SNRPD3: variants seen among roughly 807,000 people sequenced by gnomAD.
SNRPD3 encodes the protein small nuclear ribonucleoprotein D3 polypeptide, also known as small nuclear ribonucleoprotein Sm D3.
For synonymous variants in SNRPD3, 66 were observed against 58.4 expected (o/e 1.13, Z -0.59); for missense variants, 73 against 167.5 (o/e 0.44, Z 3.11).
chr22:24,564,018 A>G (rs1042860536), intron 2 of SNRPD3, among the ~76,000 whole-genome samples: 47 of 152,094 alleles, frequency 3.1e-4, no homozygotes, highest in African/African-American at 4.8e-5. Flanking sequence ...AACTTATCGT[A>G]TACTTTTTTT....
chr22:24,558,463 CAGAG>C (rs2045101552), intron 2 of SNRPD3, among the ~76,000 whole-genome samples: 1 of 152,154 alleles, frequency 6.6e-6, no homozygotes. Flanking sequence ...ACTTGGGAGT[CAGAG>C]AGAGATGTGG....
At chr22:24,556,969 T>A (rs1046684796) in intron 1 of SNRPD3, among the ~76,000 whole-genome samples, 6 of 152,240 alleles carry the variant, frequency 3.9e-5, no homozygotes, top group African/African-American at 1.4e-4. Context: ...ACTTTGATAT[T>A]TTCTCAATAT....
At chr22:24,557,340 G>A (rs2045084888) in intron 1 of SNRPD3, among the ~76,000 whole-genome samples, 1 of 152,094 alleles carries the variant, frequency 6.6e-6, no homozygotes, top group African/African-American at 2.4e-5. Context: ...CACAGTATTG[G>A]CTAATGGTCC....
chr22:24,570,776 A>C (rs1196761993), intron 3 of SNRPD3, among the ~76,000 whole-genome samples: 1 of 149,696 alleles, frequency 6.7e-6, no homozygotes, highest in Non-Finnish European at 1.5e-5. Flanking sequence ...CATGCTATTT[A>C]TATGGAGTGT....
chr22:24,559,354 C>T (rs2045110840), intron 2 of SNRPD3, among the ~76,000 whole-genome samples: 1 of 152,140 alleles, frequency 6.6e-6, no homozygotes, highest in Admixed American at 6.5e-5. Flanking sequence ...TCTCATATAT[C>T]CAGTCCTCTG....
intron 2 of SNRPD3, among the ~76,000 whole-genome samples, chr22:24,560,428 C>CTTTTTTTTT (rs60835175): frequency 2.0e-5 from 1 of 49,074 alleles, no homozygotes; most frequent in African/African-American, 8.0e-5. Context: ...AGCTTGCTTG[C>CTTTTTTTTT]TTTTTTTTTT....
intron 2 of SNRPD3, among the ~76,000 whole-genome samples, chr22:24,563,141 G>T (rs2045159595): frequency 6.6e-6 from 1 of 151,972 alleles, no homozygotes; most frequent in South Asian, 2.1e-4. Flanking sequence ...GCTGGGCCAG[G>T]GGGATCACTT....
chr22:24,559,377 C>T (rs1341296406), intron 2 of SNRPD3, among the ~76,000 whole-genome samples: 2 of 152,154 alleles, frequency 1.3e-5, no homozygotes, highest in Non-Finnish European at 2.9e-5. Context: ...TTAAGGCATG[C>T]TCATCCACTT....
At chr22:24,564,412 T>C (rs2045176346) in intron 2 of SNRPD3, among the ~76,000 whole-genome samples, 1 of 152,224 alleles carries the variant, frequency 6.6e-6, no homozygotes, top group Non-Finnish European at 1.5e-5. Flanking sequence ...TTGATTAAAC[T>C]GGGTGTTCCT....
At chr22:24,567,518 G>A (rs2045207191) in intron 2 of SNRPD3, among the ~76,000 whole-genome samples, 2 of 152,236 alleles carry the variant, frequency 1.3e-5, no homozygotes, top group Middle Eastern at 3.4e-3. Flanking sequence ...AGGCTGAAGC[G>A]GGCAGATCAC....
At chr22:24,559,911 G>T (rs1006631774) in intron 2 of SNRPD3, among the ~76,000 whole-genome samples, 3 of 152,016 alleles carry the variant, frequency 2.0e-5, no homozygotes, top group African/African-American at 7.2e-5. Context: ...TCTGAGGAAT[G>T]TGAAGGAAGG....
At chr22:24,562,513 C>T (rs1459653453) in intron 2 of SNRPD3, among the ~76,000 whole-genome samples, 1 of 152,246 alleles carries the variant, frequency 6.6e-6, no homozygotes, top group Admixed American at 6.5e-5. Context: ...CACTGCACTC[C>T]AGCCTGGGCG....
Position 24,573,387 on chromosome 22 carries a change from T to C in SNRPD3, c.*1410T>C, listed in dbSNP as rs918995419. On this transcript the variant is annotated 3_prime_UTR_variant, in exon 4 of 4. Coordinates refer to ENST00000215829, the MANE Select transcript of SNRPD3 (RefSeq NM_004175.5). Reference sequence around the variant, plus strand: ...GAGGAAAACTGATCAATTATTGGCTTTTAGAATATTGCTCATTGAACAGAT... The same window carrying C: ...GAGGAAAACTGATCAATTATTGGCTCTTAGAATATTGCTCATTGAACAGAT... Among the ~76,000 whole-genome samples the C allele has an allele frequency of 1.3e-5, 2 of 152,182 alleles. No individual in the cohort carries two copies. Among genetic ancestry groups the C allele is most frequent in the African/African-American group, 4.8e-5 (2 of 41,442 alleles).
intron 3 of SNRPD3, among the ~76,000 whole-genome samples, chr22:24,570,638 G>A (rs1055438939): frequency 4.6e-5 from 7 of 152,056 alleles, no homozygotes; most frequent in Middle Eastern, 3.4e-3. Flanking sequence ...AGCCGAAATC[G>A]TGCCACTGCA....
upstream of SNRPD3, chr22:24,555,854 C>G (rs755794985): frequency 2.6e-6 from 4 of 1,533,888 alleles, no homozygotes; most frequent in Non-Finnish European, 3.5e-6. Context: ...CCGGAACTAT[C>G]GTACTGGTGC....
intron 3 of SNRPD3, among the ~76,000 whole-genome samples, chr22:24,568,651 G>A (rs943223548): frequency 7.3e-5 from 11 of 151,590 alleles, no homozygotes; most frequent in Admixed American, 5.9e-4. Flanking sequence ...TCCGCCTCCC[G>A]GGTTCAAGCA....
intron 2 of SNRPD3, among the ~76,000 whole-genome samples, chr22:24,559,934 C>T (rs2045116460): frequency 1.3e-5 from 2 of 152,114 alleles, no homozygotes; most frequent in Non-Finnish European, 2.9e-5. Context: ...CTGTTTCAGG[C>T]CTCTCTCCTT....
At chr22:24,571,481 G>A (rs932472875) in intron 3 of SNRPD3, among the ~76,000 whole-genome samples, 2 of 152,154 alleles carry the variant, frequency 1.3e-5, no homozygotes, top group Non-Finnish European at 2.9e-5. Context: ...GCTTATGCTT[G>A]TAATCCTGAC....
At chr22:24,560,428 CTTTTTTTTTTTTTTTTTTTTTTTTT>C (rs60835175) in intron 2 of SNRPD3, among the ~76,000 whole-genome samples, 5 of 49,074 alleles carry the variant, frequency 1.0e-4, no homozygotes, top group Admixed American at 6.2e-4. Context: ...AGCTTGCTTG[CTTTTTTTTTTTTTTTTTTTTTTTTT>C]TTTTTTTTTT....
Sources: gnomAD v4.1 joint callset for allele counts (sites outside exome capture counted in the v4.1 genomes callset) on GRCh38, gnomAD v4.1.1 for gene constraint, MANE v1.5 for transcripts, NCBI Gene and HGNC (gene_info 2026-07-23, HGNC 2026-07-21) for gene names.